Variants in BTG4 observed in about 807,000 individuals in gnomAD.
BTG4 encodes the protein BTG anti-proliferation factor 4.
Under a neutral mutation model 19.3 loss-of-function variants are expected in BTG4, and 10 were observed. The observed-to-expected ratio is 0.52, with a 90% confidence interval of 0.32 to 0.88. The LOEUF (loss-of-function observed/expected upper bound fraction) is 0.88. Ranked by LOEUF, BTG4 falls within the 40% of genes least tolerant of loss-of-function variation. BTG4 has a pLI of 0.04. For synonymous variants in BTG4, 91 were observed against 95.7 expected, an observed-to-expected ratio of 0.95 and a Z score of 0.29; for missense variants, 238 against 281.9, an observed-to-expected ratio of 0.84 and a Z score of 1.11.
the BTG4 span, among the ~76,000 whole-genome samples, chr11:111,437,101 C>G: frequency 1.3e-5 from 2 of 152,316 alleles, no homozygotes; most frequent in East Asian, 3.9e-4. Flanking sequence ...CTCTTCCTGC[C>G]TGGCTCCCAA....
chr11:111,425,901 C>A, the BTG4 span, among the ~76,000 whole-genome samples: 1 of 152,056 alleles, frequency 6.6e-6, no homozygotes, highest in East Asian at 1.9e-4. Flanking sequence ...CATGGTGGCA[C>A]ACACCTGCAG....
intron 1 of BTG4, among the ~76,000 whole-genome samples, chr11:111,509,658 T>C (rs1866720774): frequency 6.6e-6 from 1 of 151,348 alleles, no homozygotes; most frequent in Non-Finnish European, 1.5e-5. Flanking sequence ...ATCACGTCAC[T>C]GCACTCCAGC....
At chr11:111,510,949 G>C (rs1000746492) in intron 1 of BTG4, among the ~76,000 whole-genome samples, 17 of 152,162 alleles carry the variant, frequency 1.1e-4, no homozygotes, top group African/African-American at 4.1e-4. Context: ...TTGGGTAAAA[G>C]TGACTAACAA....
the BTG4 span, among the ~76,000 whole-genome samples, chr11:111,428,354 C>T: frequency 6.6e-6 from 1 of 152,158 alleles, no homozygotes; most frequent in African/African-American, 2.4e-5. Context: ...TCAGTCCCTC[C>T]AGATTTCTTC....
intron 5 of BTG4, among the ~76,000 whole-genome samples, chr11:111,487,085 G>C (rs1402936492): frequency 6.6e-6 from 1 of 152,014 alleles, no homozygotes; most frequent in African/African-American, 2.4e-5. Context: ...TTGACATTCT[G>C]TTTCTGTGTT....
At chr11:111,503,262 G>A (rs752857289) in intron 1 of BTG4, among the ~76,000 whole-genome samples, 4 of 152,078 alleles carry the variant, frequency 2.6e-5, no homozygotes, top group Non-Finnish European at 5.9e-5. Context: ...TGGAAGAGTC[G>A]GTATAAAACA....
At chr11:111,402,244 T>C in the BTG4 span, among the ~76,000 whole-genome samples, 1 of 152,192 alleles carries the variant, frequency 6.6e-6, no homozygotes, top group Non-Finnish European at 1.5e-5. Context: ...TCTGCCATGA[T>C]TGTGAGGCCT....
At chr11:111,418,900 T>A in the BTG4 span, among the ~76,000 whole-genome samples, 1 of 152,164 alleles carries the variant, frequency 6.6e-6, no homozygotes, top group Non-Finnish European at 1.5e-5. Flanking sequence ...AGAACAGAAA[T>A]TTACTTCCTC....
chr11:111,495,148 T>C lies in BTG4; in HGVS notation c.677A>G (p.Asn226Ser), dbSNP rs1160545359. ...MHRLDRYHWV[N>S]THR ...CCAGTCGCTGCGTCATCGGTGTGTG[T>C]TGACCCAGTGGTACCTGTCCAGCCG... The change falls in exon 5 of 5, where the codon AAC becomes AGC. Residue 226 changes from asparagine (N) to serine (S), a missense_variant. Physicochemically the swap from Asn to Ser is conservative, Grantham distance 46. Transcript: ENST00000692032. The C allele has an allele frequency of 1.9e-6, 3 of 1,575,564 alleles. No individual in the cohort carries two copies. Among genetic ancestry groups the C allele is most frequent in the Non-Finnish European group, 8.6e-7 (1 of 1,162,668 alleles).
chr11:111,455,343 G>A, the BTG4 span: 2 of 291,622 alleles, frequency 6.9e-6, no homozygotes. Flanking sequence ...CCTGGTGGCT[G>A]TAGCGCCTGC....
At chr11:111,435,220 A>T in the BTG4 span, among the ~76,000 whole-genome samples, 4 of 152,074 alleles carry the variant, frequency 2.6e-5, no homozygotes, top group African/African-American at 9.7e-5. Context: ...ACACCCAGCA[A>T]CCCTGTCCCG....
downstream of BTG4, among the ~76,000 whole-genome samples, chr11:111,467,089 A>G (rs142207437): frequency 2.8e-3 from 423 of 152,340 alleles, 1 homozygote; most frequent in African/African-American, 9.5e-3. Context: ...AATGATATTA[A>G]TCACAGGTAG....
At position 111,479,898 on chromosome 11, in the gene BTG4, A is replaced by C. The variant is rs557984371; in HGVS notation, c.663-12217T>G. Among the ~76,000 whole-genome samples the C allele has an allele frequency of 2.0e-5, 3 of 152,248 alleles. No individual in the cohort carries two copies. The South Asian group carries it at 6.2e-4, about 32-fold the overall frequency. The stretch of plus-strand genomic sequence containing the variant: ...GATATGCCAAAATGAAATTCTAAAA[A>C]GTGTTCAAGTAACCCACAAGAAGGT... On this transcript the variant is annotated intron_variant, in intron 5 of 5. Coordinates refer to the BTG4 transcript ENST00000356018.
chr11:111,499,348 T>G (rs998247801), intron 1 of BTG4, among the ~76,000 whole-genome samples: 35 of 152,232 alleles, frequency 2.3e-4, no homozygotes, highest in Admixed American at 1.7e-3. Context: ...AGTTCGAGGC[T>G]GAAGTTTATA....
chr11:111,410,544 C>T, the BTG4 span, among the ~76,000 whole-genome samples: 1 of 152,130 alleles, frequency 6.6e-6, no homozygotes, highest in African/African-American at 2.4e-5. Flanking sequence ...TCTCTCCATG[C>T]ACGGAGAGAT....
chr11:111,396,357 GC>G, the BTG4 span, among the ~76,000 whole-genome samples: 1 of 152,136 alleles, frequency 6.6e-6, no homozygotes, highest in Non-Finnish European at 1.5e-5. Context: ...TGTCCCCTCT[GC>G]CCTTTCCAGG....
At chr11:111,461,085 A>T in the BTG4 span, among the ~76,000 whole-genome samples, 5 of 152,180 alleles carry the variant, frequency 3.3e-5, no homozygotes, top group Non-Finnish European at 7.3e-5. Flanking sequence ...AGACTAGCAG[A>T]GGAAGCCCCG....
the BTG4 span, among the ~76,000 whole-genome samples, chr11:111,427,056 G>A: frequency 6.6e-6 from 1 of 152,182 alleles, no homozygotes; most frequent in Non-Finnish European, 1.5e-5. Context: ...CAGTGACAGA[G>A]TTTCTTCATA....
intron 5 of BTG4, among the ~76,000 whole-genome samples, chr11:111,477,619 G>A (rs1301344058): frequency 6.6e-6 from 1 of 152,136 alleles, no homozygotes. Flanking sequence ...AGAGAAGAAG[G>A]CAGACTGGCT....
Sources: gnomAD v4.1 joint callset for allele counts (sites outside exome capture counted in the v4.1 genomes callset) on GRCh38, gnomAD v4.1.1 for gene constraint, MANE v1.5 for transcripts, NCBI Gene and HGNC (gene_info 2026-07-23, HGNC 2026-07-21) for gene names.